BTLA: variants seen among roughly 807,000 people sequenced by gnomAD.
The protein encoded by BTLA is B- and T-lymphocyte attenuator.
A neutral mutation model predicts 25.0 loss-of-function variants in BTLA; 11 were observed. The ratio of observed to expected loss-of-function variants is 0.44; its 90% CI spans 0.28 to 0.73. BTLA has a LOEUF of 0.73. Among genes scored for constraint, BTLA ranks in the 30% least tolerant of loss-of-function variants. The pLI is 0.15. For missense variants in BTLA, 282 were observed against 332.8 expected, an observed-to-expected ratio of 0.85 and a Z score of 1.19; for synonymous variants, 104 against 119.8, an observed-to-expected ratio of 0.87 and a Z score of 0.86.
At chr3:112,469,355 A>G (rs138585589) in intron 4 of BTLA, among the ~76,000 whole-genome samples, 4 of 152,144 alleles carry the variant, frequency 2.6e-5, no homozygotes, top group African/African-American at 7.2e-5. Context: ...TCATTCTTTC[A>G]TCAGCTCCCT....
intron 1 of BTLA, among the ~76,000 whole-genome samples, chr3:112,498,874 A>G (rs930193407): frequency 3.9e-5 from 6 of 152,174 alleles, no homozygotes; most frequent in Non-Finnish European, 5.9e-5. Flanking sequence ...GTCCTACCCA[A>G]CTGAGCACTG....
chr3:112,472,728 G>A (rs936585886), intron 2 of BTLA, among the ~76,000 whole-genome samples: 1 of 152,010 alleles, frequency 6.6e-6, no homozygotes, highest in African/African-American at 2.4e-5. Flanking sequence ...ATATTATAAT[G>A]TTATTTTGTT....
chr3:112,468,125 G>A (rs1559822744), intron 4 of BTLA, among the ~76,000 whole-genome samples: 1 of 152,176 alleles, frequency 6.6e-6, no homozygotes, highest in Admixed American at 6.5e-5. Flanking sequence ...CCTATGGCAG[G>A]TTACAGTATA....
At position 112,479,679 on chromosome 3, in the gene BTLA, A is replaced by T; in HGVS notation, c.179T>A (p.Val60Glu). The T allele has an allele frequency of 6.2e-7, 1 of 1,614,124 alleles. No individual in the cohort carries two copies. The highest frequency in any genetic ancestry group is 8.5e-7 in the Non-Finnish European group (1 of 1,179,954). ...ATGAGGCCTGTTAGCACAGTATTTC[A>T]CAGGGCATTCTAGTTCAAAGGGATC... ...AGDPFELECP[V>E]KYCANRPHVT... Residue 60 changes from valine (V) to glutamate (E), a missense_variant, in exon 2 of 5, where the codon GTG becomes GAG. This residue lies in a region of BTLA where 163 missense variants were observed against 230.4 expected (regional missense o/e 0.71). Transcript: ENST00000334529.
chr3:112,492,394 G>GCAA (rs2082384969), intron 1 of BTLA, among the ~76,000 whole-genome samples: 1 of 152,214 alleles, frequency 6.6e-6, no homozygotes, highest in Admixed American at 6.5e-5. Flanking sequence ...ACATAGGGCA[G>GCAA]CAAATGTAGA....
In BTLA at chr3:112,465,199, A is replaced by T. The variant is rs1309490089; in HGVS notation, c.*909T>A. The T allele has an allele frequency of 6.6e-6, 1 of 152,636 alleles. No individual in the cohort carries two copies. The highest frequency in any genetic ancestry group is 6.5e-5 in the Admixed American group (1 of 15,284). 9.5% of individuals were successfully genotyped at this position (152,636 alleles called of 1,614,324 possible). A position where few individuals can be genotyped will look rare whatever the true frequency, so the allele number is the denominator to read the frequency against. ...AAATTGACCCCTACAGACCAATTAA[A>T]TATTCTGGGTTTTCCTCCATTCCAT... On this transcript the variant is annotated 3_prime_UTR_variant, in exon 5 of 5. Coordinates refer to ENST00000334529, the MANE Select transcript of BTLA (RefSeq NM_181780.4).
intron 1 of BTLA, among the ~76,000 whole-genome samples, chr3:112,480,820 T>G (rs1429260843): frequency 6.6e-6 from 1 of 152,214 alleles, no homozygotes; most frequent in Non-Finnish European, 1.5e-5. Flanking sequence ...AAACTCATGT[T>G]CTTTTCACAT....
Position 112,499,353 on chromosome 3 carries a change from CT to C in BTLA, c.5del (p.Lys2ArgfsTer18), listed in dbSNP as rs1208611252. 1 of 1,613,014 alleles carries C rather than the reference CT, an allele frequency of 6.2e-7. No individual in the cohort carries two copies. Among genetic ancestry groups the C allele is most frequent in the African/African-American group, 1.3e-5 (1 of 74,696 alleles). On this transcript the variant is annotated frameshift_variant, in exon 1 of 5. Coordinates refer to ENST00000334529, the MANE Select transcript of BTLA (RefSeq NM_181780.4). LOFTEE classifies it high-confidence loss of function. Reference sequence around the variant, plus strand: ...CAGTTCCAAGCATGGCAGGCAATGTCTTCATTTCCTGCACATATCAGTGATG... The same window carrying C: ...CAGTTCCAAGCATGGCAGGCAATGTCTCATTTCCTGCACATATCAGTGATG... M[K>X]TLPAMLGTGK...
chr3:112,489,324 A>T (rs1480189029), intron 1 of BTLA, among the ~76,000 whole-genome samples: 1 of 152,164 alleles, frequency 6.6e-6, no homozygotes, highest in Non-Finnish European at 1.5e-5. Context: ...AGCTGAAGAG[A>T]GTAGGTAATT....
At chr3:112,499,617 CAA>C (rs2107347199), upstream of BTLA, 1 of 401,302 alleles carries the variant, frequency 2.5e-6, no homozygotes, top group Non-Finnish European at 4.5e-6. Context: ...TGTTCACTTT[CAA>C]ACACTGTGAT....
intron 1 of BTLA, among the ~76,000 whole-genome samples, chr3:112,493,840 C>T (rs570184273): frequency 4.0e-5 from 6 of 149,780 alleles, no homozygotes; most frequent in South Asian, 2.3e-4. Context: ...TGGCTGGGCG[C>T]GGTGGCTCAC....
chr3:112,469,500 T>C (rs1317631326), intron 4 of BTLA, among the ~76,000 whole-genome samples: 1 of 151,694 alleles, frequency 6.6e-6, no homozygotes, highest in East Asian at 1.9e-4. Flanking sequence ...TAGACTGCCT[T>C]CCATGAACTT....
intron 1 of BTLA, 24 bp downstream of exon 1, chr3:112,499,247 A>G: frequency 6.6e-7 from 1 of 1,524,958 alleles, no homozygotes; most frequent in Non-Finnish European, 9.1e-7. Flanking sequence ...ATAAAACCAG[A>G]AATAACCTAA....
At chr3:112,472,021 A>G (rs2082265359) in intron 2 of BTLA, among the ~76,000 whole-genome samples, 1 of 152,196 alleles carries the variant, frequency 6.6e-6, no homozygotes, top group Non-Finnish European at 1.5e-5. Context: ...AAAAAATGAA[A>G]CAGAAGAGGA....
At chr3:112,479,830 G>T in intron 1 of BTLA, 61 bp from the exon 2 acceptor site, 2 of 1,298,212 alleles carry the variant, frequency 1.5e-6, no homozygotes, top group South Asian at 1.5e-5. Flanking sequence ...ATATATATGT[G>T]ACTTCAATAG....
chr3:112,469,208 C>T (rs2082246698), intron 4 of BTLA, among the ~76,000 whole-genome samples: 1 of 152,286 alleles, frequency 6.6e-6, no homozygotes. Flanking sequence ...TTCCTTTAGT[C>T]TGAGTGGTCC....
intron 1 of BTLA, among the ~76,000 whole-genome samples, chr3:112,497,933 T>C (rs2633584): frequency 0.24 from 36,972 of 151,978 alleles, 8,061 homozygotes; most frequent in African/African-American, 0.57. Flanking sequence ...CCTGTAATCC[T>C]AGCACTTTGG....
intron 1 of BTLA, among the ~76,000 whole-genome samples, chr3:112,483,945 G>A (rs961324467): frequency 3.3e-5 from 5 of 150,452 alleles, no homozygotes; most frequent in African/African-American, 1.2e-4. Context: ...TCCAGCCTGG[G>A]CAACACAGTA....
chr3:112,490,159 T>A (rs1366423121), intron 1 of BTLA, among the ~76,000 whole-genome samples: 2 of 152,194 alleles, frequency 1.3e-5, no homozygotes, highest in East Asian at 1.9e-4. Flanking sequence ...GTGGGGGAGT[T>A]CCACCTCATA....
Sources: allele counts gnomAD v4.1 joint callset (sites outside exome capture counted in the v4.1 genomes callset), GRCh38; gene constraint gnomAD v4.1.1; regional missense constraint gnomAD v4.1.1; transcripts MANE v1.5; gene names NCBI Gene and HGNC (gene_info 2026-07-23, HGNC 2026-07-21).